NLGN4X: variants seen among roughly 807,000 people sequenced by gnomAD.
NLGN4X encodes neuroligin 4 X-linked.
Under a neutral mutation model 40.3 loss-of-function variants are expected in NLGN4X, and 3 were observed. The observed-to-expected ratio is 0.07, with a 90% CI of 0.03 to 0.19. The LOEUF (loss-of-function observed/expected upper bound fraction) is 0.19, where lower values mean the gene tolerates loss of function less well. NLGN4X is among the 10% of genes least tolerant of loss of function. The pLI, the probability that NLGN4X is intolerant of heterozygous loss-of-function variation, is 1.00. For missense variants in NLGN4X, 382 were observed against 708.3 expected (o/e 0.54, Z 5.23); for synonymous variants, 270 against 306.8 (o/e 0.88, Z 1.25).
intron 3 of NLGN4X, among the ~76,000 whole-genome samples, chrX:5,918,173 C>T (rs1283461571): frequency 3.7e-5 from 4 of 107,821 alleles, no homozygotes; most frequent in African/African-American, 1.0e-4. Flanking sequence ...TTTTTATTTA[C>T]GTTTTCATTT....
At chrX:6,209,296 G>T (rs1419115401) in intron 1 of NLGN4X, among the ~76,000 whole-genome samples, 1 of 111,823 alleles carries the variant, frequency 8.9e-6, no homozygotes, top group Non-Finnish European at 1.9e-5. Flanking sequence ...ATGTTATTTG[G>T]GTGGTGGTTA....
chrX:5,906,457 G>A (rs997047588), intron 4 of NLGN4X, among the ~76,000 whole-genome samples: 5 of 111,385 alleles, frequency 4.5e-5, no homozygotes, highest in Non-Finnish European at 9.4e-5. Context: ...TTGTCCAGAC[G>A]GTGCCGAAGT....
At chrX:6,108,430 C>T (rs1358937297) in intron 2 of NLGN4X, among the ~76,000 whole-genome samples, 2 of 111,066 alleles carry the variant, frequency 1.8e-5, no homozygotes, top group African/African-American at 3.3e-5. Flanking sequence ...TTTAGGAGGC[C>T]GAGGTGGGCT....
chrX:6,151,134 G>C lies in NLGN4X; in HGVS notation c.333C>G (p.Pro111=). The change falls in exon 2 of 6, where the codon CCC becomes CCG. Residue 111 remains proline (P), a synonymous_variant. Transcript: ENST00000381095. ...RNTTQFAAVC[P]QHLDERSLLH... ...GTAAGGATCTCTCATCCAGGTGCTG[G>C]GGGCACACAGCAGCAAACTGAGTAG... The C allele has an allele frequency of 8.3e-7, 1 of 1,210,970 alleles. No individual in the cohort carries two copies. The highest frequency in any genetic ancestry group is 1.8e-5 in the South Asian group (1 of 56,963).
At chrX:6,088,799 G>A (rs890776606) in intron 2 of NLGN4X, among the ~76,000 whole-genome samples, 21 of 111,773 alleles carry the variant, frequency 1.9e-4, no homozygotes, top group African/African-American at 5.5e-4. Context: ...ATATGATGCC[G>A]AGTTCATATG....
At chrX:6,210,654 TC>T (rs975290915) in intron 1 of NLGN4X, among the ~76,000 whole-genome samples, 3 of 111,934 alleles carry the variant, frequency 2.7e-5, no homozygotes, top group Non-Finnish European at 5.6e-5. Context: ...ATACACACGT[TC>T]CTTCTAAAAT....
intron 1 of NLGN4X, among the ~76,000 whole-genome samples, chrX:6,223,748 T>A (rs747023789): frequency 1.6e-4 from 18 of 112,878 alleles, no homozygotes; most frequent in Admixed American, 2.8e-4. Context: ...TGATTCTCAC[T>A]TCCTCTAATT....
intron 2 of NLGN4X, among the ~76,000 whole-genome samples, chrX:6,130,033 G>A (rs1464430511): frequency 9.1e-6 from 1 of 109,544 alleles, no homozygotes; most frequent in Non-Finnish European, 1.9e-5. Context: ...CTACAGGTAC[G>A]TGCCATCACA....
At chrX:6,060,729 C>T (rs902194449) in intron 2 of NLGN4X, among the ~76,000 whole-genome samples, 9 of 111,451 alleles carry the variant, frequency 8.1e-5, no homozygotes, top group African/African-American at 2.9e-4. Flanking sequence ...ACCCATTTAC[C>T]CATGTGACAA....
At chrX:6,158,432 G>C (rs990698540) in intron 1 of NLGN4X, among the ~76,000 whole-genome samples, 1 of 111,797 alleles carries the variant, frequency 8.9e-6, no homozygotes, top group Admixed American at 9.6e-5. Flanking sequence ...CCACATCCAG[G>C]AAGGAGTCCT....
At chrX:6,198,574 C>A (rs148434643) in intron 1 of NLGN4X, among the ~76,000 whole-genome samples, 1 of 111,687 alleles carries the variant, frequency 9.0e-6, no homozygotes, top group East Asian at 2.8e-4. Context: ...TTTCAGGGAG[C>A]GCATCATTAA....
intron 3 of NLGN4X, among the ~76,000 whole-genome samples, chrX:5,946,606 C>T (rs188532947): frequency 1.6e-3 from 183 of 111,487 alleles, no homozygotes; most frequent in African/African-American, 5.4e-3. Context: ...ATAGTCATAA[C>T]TTGAATTTTA....
intron 1 of NLGN4X, among the ~76,000 whole-genome samples, chrX:6,158,166 T>A (rs867606049): frequency 8.9e-6 from 1 of 111,818 alleles, no homozygotes; most frequent in Non-Finnish European, 1.9e-5. Context: ...AAGTCATATG[T>A]CCTCAAGGTC....
intron 2 of NLGN4X, among the ~76,000 whole-genome samples, chrX:6,084,173 C>T (rs2038439362): frequency 8.9e-6 from 1 of 112,274 alleles, no homozygotes; most frequent in African/African-American, 3.2e-5. Flanking sequence ...AGGATCATCA[C>T]TAAAAAGACA....
At chrX:6,071,701 A>C (rs2038067400) in intron 2 of NLGN4X, among the ~76,000 whole-genome samples, 1 of 111,810 alleles carries the variant, frequency 8.9e-6, no homozygotes. Context: ...TCAACTGAAA[A>C]CCTGCCCTCA....
intron 3 of NLGN4X, among the ~76,000 whole-genome samples, chrX:5,985,711 G>A (rs777968451): frequency 2.7e-5 from 3 of 111,821 alleles, no homozygotes; most frequent in African/African-American, 6.5e-5. Flanking sequence ...GTGGATCTGC[G>A]GTTGAAAATC....
intron 2 of NLGN4X, among the ~76,000 whole-genome samples, chrX:6,041,938 ATCT>A (rs1180182875): frequency 1.8e-5 from 2 of 112,516 alleles, no homozygotes; most frequent in African/African-American, 6.4e-5. Flanking sequence ...GCAATATTGT[ATCT>A]TCTTATTTAA....
chrX:6,158,696 T>C (rs945519091), intron 1 of NLGN4X, among the ~76,000 whole-genome samples: 13 of 111,786 alleles, frequency 1.2e-4, no homozygotes, highest in African/African-American at 2.9e-4. Flanking sequence ...GTTTGTGACA[T>C]AGGTAAACAT....
rs1022260691 is a variant in NLGN4X at position 5,909,253 on chromosome X, C to T, written c.626-14G>A. 7 of 1,208,711 alleles carry T rather than the reference C, an allele frequency of 5.8e-6. No individual in the cohort carries two copies. In the Admixed American group the frequency reaches 8.8e-5, roughly 15 times the overall value. On this transcript the variant is annotated splice_polypyrimidine_tract_variant and intron_variant, in intron 3 of 5. Coordinates refer to ENST00000381095, the MANE Select transcript of NLGN4X (RefSeq NM_181332.3). ...TACTTAAAAACCCTACAAAAGAACA[C>T]AAGATATTTTTGGTGGCCAAATAGA... is the stretch of plus-strand genomic sequence containing the variant.
Sources: allele counts gnomAD v4.1 joint callset (sites outside exome capture counted in the v4.1 genomes callset), GRCh38; gene constraint gnomAD v4.1.1; transcripts MANE v1.5; gene names NCBI Gene and HGNC (gene_info 2026-07-23, HGNC 2026-07-21).